The following AFF4 variants were observed in gnomAD, a reference collection of about 807,000 sequenced individuals.
AFF4 encodes the protein ALF transcription elongation factor 4.
A neutral mutation model predicts 124.8 loss-of-function variants in AFF4; 13 were observed. That is an observed-to-expected ratio of 0.10 (90% CI 0.07 to 0.17). The LOEUF (loss-of-function observed/expected upper bound fraction) is 0.17. AFF4 is among the 10% of genes least tolerant of loss of function. The pLI is 1.00. For missense variants in AFF4, 1,092 were observed against 1,403.8 expected (o/e 0.78, Z 3.55); for synonymous variants, 477 against 496.1 (o/e 0.96, Z 0.51).
At chr5:132,932,842 CTCAAG>C (rs1191123896) in intron 3 of AFF4, among the ~76,000 whole-genome samples, 24 of 152,210 alleles carry the variant, frequency 1.6e-4, no homozygotes, top group Non-Finnish European at 2.9e-5. Context: ...GAGAGCCGAA[CTCAAG>C]TCAAACTCTA....
intron 12 of AFF4, among the ~76,000 whole-genome samples, 162 bp from the exon 13 acceptor site, chr5:132,892,566 A>C (rs1444789175): frequency 5.9e-5 from 9 of 152,224 alleles, no homozygotes; most frequent in Non-Finnish European, 1.2e-4. Context: ...AAATTCCATG[A>C]AGGTAGGCAT....
intron 11 of AFF4, among the ~76,000 whole-genome samples, chr5:132,894,602 C>G (rs990383512): frequency 3.3e-5 from 5 of 152,154 alleles, no homozygotes; most frequent in African/African-American, 1.2e-4. Flanking sequence ...ACTGGGTCTT[C>G]TCTTAGTACT....
chr5:132,898,121 C>G (rs1351268996), intron 10 of AFF4, 109 bp downstream of exon 10: 6 of 1,365,886 alleles, frequency 4.4e-6, no homozygotes. Context: ...TTTTGTCAGA[C>G]TATGGAACCT....
rs1002923687 is a variant in AFF4 at position 132,957,217 on chromosome 5, T to C, written c.-5+6042A>G. On this transcript the variant is annotated intron_variant, in intron 1 of 20. Coordinates refer to ENST00000265343, the MANE Select transcript of AFF4 (RefSeq NM_014423.4). ...TTAGCCAGGTATGGTGGCTCGTGCC[T>C]GTAGTCCTAGCTACTTGGAAGGCTG... Among the ~76,000 whole-genome samples the C allele has an allele frequency of 9.9e-5, 15 of 151,146 alleles. 1 individual carries two copies. Among genetic ancestry groups the C allele is most frequent in the Non-Finnish European group, 2.9e-5 (2 of 67,880 alleles).
At chr5:132,891,938 T>G in intron 13 of AFF4, 1 of 653,124 alleles carries the variant, frequency 1.5e-6, no homozygotes, top group Non-Finnish European at 2.6e-6. Context: ...TGAGCCACTG[T>G]ACCCAAGGGT....
intron 5 of AFF4, chr5:132,926,583 C>G (rs1761175608): frequency 6.6e-6 from 1 of 152,002 alleles, no homozygotes; most frequent in Admixed American, 6.7e-5. Context: ...GTTTCCCAGG[C>G]TGGCGTGCTG....
At chr5:132,917,927 G>C (rs1435076262) in intron 5 of AFF4, among the ~76,000 whole-genome samples, 1 of 150,274 alleles carries the variant, frequency 6.7e-6, no homozygotes, top group Non-Finnish European at 1.5e-5. Context: ...AACCATCTTG[G>C]CCAGGCTGGT....
intron 12 of AFF4, 132 bp downstream of exon 12, chr5:132,892,896 CAT>C: frequency 6.6e-6 from 5 of 760,122 alleles, no homozygotes; most frequent in Non-Finnish European, 2.2e-6. Context: ...CACTATTTGG[CAT>C]ATGTTATGTG....
In AFF4 at chr5:132,896,442, G is replaced by A; in HGVS notation, c.2188C>T (p.Pro730Ser). ...TTGGGCGGCTCTGTTTCTTTGTAAG[G>A]CTTTCCTGGTATTCTAGTCAAAAGA... ...LNLLTRIPGK[P>S]YKETEPPKGE... The change falls in exon 11 of 21, where the codon CCT (proline) becomes TCT (serine). Residue 730 changes from proline (P) to serine (S), a missense_variant. Pro to Ser is a moderately conservative substitution (Grantham distance 74, BLOSUM62 -1). Transcript: ENST00000265343. 6.2e-7 allele frequency: 1 copy of A among 1,614,164 alleles called. No homozygotes were observed. The highest frequency in any genetic ancestry group is 1.1e-5 in the South Asian group (1 of 91,084).
intron 1 of AFF4, among the ~76,000 whole-genome samples, chr5:132,945,819 C>T (rs969418978): frequency 2.0e-5 from 3 of 151,960 alleles, no homozygotes; most frequent in African/African-American, 4.8e-5. Context: ...CTAGCACTTT[C>T]GCAGGCTGAG....
intron 1 of AFF4, among the ~76,000 whole-genome samples, chr5:132,949,960 C>T (rs920441575): frequency 4.6e-5 from 7 of 151,926 alleles, no homozygotes; most frequent in Admixed American, 3.3e-4. Flanking sequence ...GAGTTTGAGG[C>T]TGCAGTGAGC....
intron 18 of AFF4, 52 bp downstream of exon 18, chr5:132,886,258 G>C: frequency 1.3e-6 from 2 of 1,509,458 alleles, no homozygotes; most frequent in African/African-American, 1.4e-5. Context: ...GGGGATGGGA[G>C]ACTACAAATT....
In AFF4 at chr5:132,883,385, T is replaced by C. The variant is rs139490054; in HGVS notation, c.3319A>G (p.Thr1107Ala). 2.1e-3 allele frequency: 3,311 copies of C among 1,614,082 alleles called. 5 individuals are homozygous for C. The highest frequency in any genetic ancestry group is 2.0e-3 in the South Asian group (186 of 91,090). The change falls in exon 20 of 21, where the codon ACC becomes GCC. Residue 1107 changes from threonine to alanine, a missense_variant. Physicochemically the swap from Thr to Ala is moderately conservative, Grantham distance 58 (BLOSUM62 0). Coordinates refer to ENST00000265343, the MANE Select transcript of AFF4 (RefSeq NM_014423.4). The stretch of plus-strand genomic sequence containing the variant: ...TGTTCAGCTTGGTCCCAAATTTCGG[T>C]GGCATAGAGGAAGTTGGATGTGACC... ...VQVTSNFLYA[T>A]EIWDQAEQLS...
chr5:132,893,331 T>G (rs976403014), intron 11 of AFF4, among the ~76,000 whole-genome samples: 2 of 152,178 alleles, frequency 1.3e-5, no homozygotes, highest in African/African-American at 2.4e-5. Context: ...TGAAACGCAT[T>G]TCCTACAGTC....
intron 12 of AFF4, 110 bp downstream of exon 12, chr5:132,892,920 A>G (rs1257928555): frequency 1.6e-4 from 163 of 1,022,708 alleles, no homozygotes; most frequent in Non-Finnish European, 2.4e-4. Context: ...ATGCATTTAT[A>G]TAACACTTGC....
At chr5:132,896,099 T>G (rs1200550395) in intron 11 of AFF4, among the ~76,000 whole-genome samples, 1 of 152,236 alleles carries the variant, frequency 6.6e-6, no homozygotes, top group Non-Finnish European at 1.5e-5. Context: ...CACTGACTCA[T>G]TTCTTATTTC....
chr5:132,947,874 C>A (rs940702265), intron 1 of AFF4, among the ~76,000 whole-genome samples: 1 of 152,146 alleles, frequency 6.6e-6, no homozygotes, highest in African/African-American at 2.4e-5. Flanking sequence ...ACCTTTGCCC[C>A]AAAGTTAGTC....
In AFF4 at chr5:132,879,051, T is replaced by C. The variant is rs561388191; in HGVS notation, c.*2008A>G. The C allele has an allele frequency of 1.3e-5, 3 of 222,398 alleles. No homozygotes were observed. The highest frequency in any genetic ancestry group is 1.3e-4 in the East Asian group (2 of 15,146). The allele number at this position is 222,398 out of a possible 1,614,324, so 13.8% of individuals were successfully genotyped here. A position where few individuals can be genotyped will look rare whatever the true frequency, so the allele number is the denominator to read the frequency against. Reference sequence around the variant, plus strand: ...GAAGTTGTCCTCTTATGGAAAACTGTTCCTAGAACACACTAAGATTAAGTT... The same window carrying C: ...GAAGTTGTCCTCTTATGGAAAACTGCTCCTAGAACACACTAAGATTAAGTT... On this transcript the variant is annotated 3_prime_UTR_variant, in exon 21 of 21. Transcript: ENST00000265343.
chr5:132,927,044 A>T, intron 5 of AFF4, 77 bp downstream of exon 5: 1 of 1,283,966 alleles, frequency 7.8e-7, no homozygotes, highest in Non-Finnish European at 1.1e-6. Context: ...ATGGCAAGAC[A>T]ATTTTTAATC....
Sources: allele counts gnomAD v4.1 joint callset (sites outside exome capture counted in the v4.1 genomes callset), GRCh38; gene constraint gnomAD v4.1.1; transcripts MANE v1.5; gene names NCBI Gene and HGNC (gene_info 2026-07-23, HGNC 2026-07-21).